UBOX5: variants seen among roughly 807,000 people sequenced by gnomAD.
The protein encoded by UBOX5 is U-box domain containing 5.
Under a neutral mutation model 39.0 loss-of-function variants are expected in UBOX5, and 28 were observed. The ratio of observed to expected loss-of-function variants is 0.72; its 90% CI spans 0.53 to 0.98. UBOX5 has a LOEUF of 0.98. UBOX5 is among the 50% of genes least tolerant of loss of function. The pLI, the probability that UBOX5 is intolerant of heterozygous loss-of-function variation, is 0.00. For missense variants in UBOX5, 585 were observed against 674.4 expected (o/e 0.87, Z 1.47); for synonymous variants, 283 against 275.5 (o/e 1.03, Z -0.27).
rs372260638 is a variant in UBOX5, at chr20:3,147,520, G to A, written c.-42+12246C>T. The A allele has an allele frequency of 3.6e-5, 58 of 1,614,018 alleles. No individual in the cohort carries two copies. In the East Asian group the frequency reaches 9.8e-4, roughly 27 times the overall value. On this transcript the variant is annotated intron_variant, in intron 1 of 4. Coordinates refer to ENST00000217173, the MANE Select transcript of UBOX5 (RefSeq NM_014948.4). Reference sequence around the variant, plus strand: ...GACACTCAATGCCAACTGTACCATCGAGGGTATATAGTTCCTTAAGGAGGT... The same window carrying A: ...GACACTCAATGCCAACTGTACCATCAAGGGTATATAGTTCCTTAAGGAGGT...
At chr20:3,146,918 T>C (rs1413818658) in intron 1 of UBOX5, 1 of 1,614,096 alleles carries the variant, frequency 6.2e-7, no homozygotes, top group Non-Finnish European at 8.5e-7. Context: ...CTTCATATTG[T>C]GCAGTCCAAG....
intron 1 of UBOX5, among the ~76,000 whole-genome samples, chr20:3,143,540 A>G (rs2066535911): frequency 6.6e-6 from 1 of 152,036 alleles, no homozygotes; most frequent in Admixed American, 6.6e-5. Flanking sequence ...TCACACCTGT[A>G]ATCCCAGCAC....
At chr20:3,147,258 T>C (rs2066574466) in intron 1 of UBOX5, 1 of 1,614,114 alleles carries the variant, frequency 6.2e-7, no homozygotes, top group South Asian at 1.1e-5. Context: ...GTGGCTTCTC[T>C]ATTAAATGGT....
intron 1 of UBOX5, among the ~76,000 whole-genome samples, chr20:3,159,218 G>T (rs574813471): frequency 2.0e-5 from 3 of 152,208 alleles, no homozygotes; most frequent in Admixed American, 1.3e-4. Flanking sequence ...AAAATGGGGG[G>T]AAGGTATATA....
chr20:3,110,644 G>A, intron 4 of UBOX5: 1 of 372,068 alleles, frequency 2.7e-6, no homozygotes, highest in Non-Finnish European at 5.1e-6. Flanking sequence ...GGCCAAGGCT[G>A]GAGCAAGGCA....
At position 3,121,934 on chromosome 20, in the gene UBOX5, G is replaced by T. The variant is rs1411687703; in HGVS notation, c.705C>A (p.Asp235Glu). ...APALPMESDC[D>E]PGDQPESQQA... ...GCTGGCTCTCAGGCTGGTCCCCAGG[G>T]TCACAGTCACTTTCCATGGGCAAGG... The change falls in exon 3 of 5, where the codon GAC becomes GAA. Residue 235 changes from aspartate (D) to glutamate (E), a missense_variant. Physicochemically the swap from Asp to Glu is conservative, Grantham distance 45. Transcript: ENST00000217173. 1.9e-5 allele frequency: 30 copies of T among 1,613,704 alleles called. No individual in the cohort carries two copies. The highest frequency in any genetic ancestry group is 2.5e-5 in the Non-Finnish European group (30 of 1,180,034).
At position 3,115,476 on chromosome 20, in the gene UBOX5, G is replaced by GATGC. The variant is rs1221373763; in HGVS notation, c.1256-14_1256-11dup. ...TCGTGGGACAGTGGACCTGTCGAGA[G>GATGC]ATGCGCACAGCACAACATCCAGAGA... On this transcript the variant is annotated splice_polypyrimidine_tract_variant and intron_variant, in intron 3 of 4. Transcript: ENST00000217173. 4.4e-6 allele frequency: 7 copies of GATGC among 1,608,386 alleles called. No homozygotes were observed. In the African/African-American group the frequency reaches 9.4e-5, roughly 22 times the overall value.
chr20:3,115,528 A>G, intron 3 of UBOX5, 62 bp from the exon 4 acceptor site: 1 of 1,521,376 alleles, frequency 6.6e-7, no homozygotes, highest in Non-Finnish European at 8.8e-7. Context: ...GAACAGCCTC[A>G]AGTCCTTCGA....
At position 3,109,652 on chromosome 20, in the gene UBOX5, G is replaced by T. The variant is rs1046160243; in HGVS notation, c.*454C>A. On this transcript the variant is annotated 3_prime_UTR_variant, in exon 5 of 5. Transcript: ENST00000217173. ...CTTTATTAAGGCTGCGAGTCGGGGGGCTGAGTCATGCACTCCACAGACACC... is the reference window on the plus strand; with the variant it reads ...CTTTATTAAGGCTGCGAGTCGGGGGTCTGAGTCATGCACTCCACAGACACC... 1 of 189,142 alleles carries T rather than the reference G, an allele frequency of 5.3e-6. No individual in the cohort carries two copies. The highest frequency in any genetic ancestry group is 2.3e-5 in the African/African-American group (1 of 42,892). The allele number at this position is 189,142 out of a possible 1,614,324, so 11.7% of individuals were successfully genotyped here.
intron 1 of UBOX5, among the ~76,000 whole-genome samples, chr20:3,136,519 A>G (rs934378184): frequency 6.6e-6 from 1 of 150,430 alleles, no homozygotes; most frequent in African/African-American, 2.4e-5. Flanking sequence ...ACACTCGGCT[A>G]ATTTTTTGCA....
intron 3 of UBOX5, among the ~76,000 whole-genome samples, chr20:3,119,582 G>A (rs570535629): frequency 3.3e-5 from 5 of 151,748 alleles, no homozygotes; most frequent in Middle Eastern, 3.4e-3. Flanking sequence ...GGCCAGGCGC[G>A]GTGGCTTATA....
At chr20:3,115,678 A>G (rs1168808363) in intron 3 of UBOX5, among the ~76,000 whole-genome samples, 1 of 150,624 alleles carries the variant, frequency 6.6e-6, no homozygotes, top group African/African-American at 2.4e-5. Flanking sequence ...CACCGGCTTC[A>G]GGCTTTTCTC....
In UBOX5 at chr20:3,142,370, G is replaced by A. The variant is rs921054431; in HGVS notation, c.-42+17396C>T. ...AATCTCAGCACTTTGGGATGCCAAG[G>A]TGGGCAGATAACCTGAGGTCAGGAG... is the stretch of plus-strand genomic sequence containing the variant. On this transcript the variant is annotated intron_variant, in intron 1 of 4. Coordinates refer to ENST00000217173, the MANE Select transcript of UBOX5 (RefSeq NM_014948.4). Among the ~76,000 whole-genome samples the A allele has an allele frequency of 5.9e-5, 9 of 152,126 alleles. No homozygotes were observed. In the South Asian group the frequency reaches 1.9e-3, roughly 32 times the overall value.
At chr20:3,148,803 T>C (rs2066595412) in intron 1 of UBOX5, 5 of 1,614,106 alleles carry the variant, frequency 3.1e-6, no homozygotes, top group African/African-American at 1.3e-5. Flanking sequence ...AGCTGCAATG[T>C]ACTGGCCTTA....
intron 1 of UBOX5, among the ~76,000 whole-genome samples, chr20:3,157,930 C>CAACA (rs2066704646): frequency 6.6e-6 from 1 of 151,748 alleles, no homozygotes; most frequent in Non-Finnish European, 1.5e-5. Flanking sequence ...GGGTCTCGCT[C>CAACA]TGTTGTTCAG....
chr20:3,146,708 A>G (rs1380828243), intron 1 of UBOX5: 2 of 1,509,650 alleles, frequency 1.3e-6, no homozygotes, highest in African/African-American at 2.8e-5. Flanking sequence ...TGGCTTTTAT[A>G]ATCATTTTGC....
Position 3,122,584 on chromosome 20 carries a change from T to C in UBOX5, c.55A>G (p.Ile19Val). Reference sequence around the variant, plus strand: ...TCTACTTCGTAACCATCAGCTGATATCTAGATTTAATAAAAAACACAAGAT... The same window carrying C: ...TCTACTTCGTAACCATCAGCTGATACCTAGATTTAATAAAAAACACAAGAT... ...QFRPRIHCNK[I>V]SADGYEVENL... The change falls in exon 3 of 5, where the codon ATA (isoleucine) becomes GTA (valine). Residue 19 changes from isoleucine to valine, a missense_variant and splice_region_variant. Transcript: ENST00000217173. 1 of 1,556,924 alleles carries C rather than the reference T, an allele frequency of 6.4e-7. No individual in the cohort carries two copies. Among genetic ancestry groups the C allele is most frequent in the Non-Finnish European group, 8.7e-7 (1 of 1,151,968 alleles).
At chr20:3,133,757 G>C (rs927032867) in intron 1 of UBOX5, among the ~76,000 whole-genome samples, 1 of 49,824 alleles carries the variant, frequency 2.0e-5, no homozygotes, top group Non-Finnish European at 6.2e-5. Context: ...TATTTTTTTT[G>C]GGGGGGGGAA....
chr20:3,111,724 G>A (rs1475403615), intron 4 of UBOX5: 1 of 152,502 alleles, frequency 6.6e-6, no homozygotes, highest in Non-Finnish European at 1.5e-5. Context: ...TGTGCTTTCA[G>A]AGCCCACCAG....
Sources: gnomAD v4.1 joint callset for allele counts (sites outside exome capture counted in the v4.1 genomes callset) on GRCh38, gnomAD v4.1.1 for gene constraint, MANE v1.5 for transcripts, NCBI Gene and HGNC (gene_info 2026-07-23, HGNC 2026-07-21) for gene names.